KCNIP4: variants seen among roughly 807,000 people sequenced by gnomAD.
KCNIP4 encodes the protein potassium voltage-gated channel interacting protein 4.
KCNIP4 carries 12 observed loss-of-function variants against 34.0 expected under a neutral mutation model. That is an observed-to-expected ratio of 0.35 (90% CI 0.23 to 0.57). The LOEUF is 0.57. Ranked by LOEUF, KCNIP4 falls within the 20% of genes least tolerant of loss-of-function variation. The pLI is 0.83. For synonymous variants in KCNIP4, 124 were observed against 102.2 expected (o/e 1.21, Z -1.29); for missense variants, 238 against 311.7 (o/e 0.76, Z 1.78).
chr4:21,257,830 T>C (rs1208553014), intron 1 of KCNIP4, among the ~76,000 whole-genome samples: 1 of 151,968 alleles, frequency 6.6e-6, no homozygotes, highest in Non-Finnish European at 1.5e-5. Flanking sequence ...GACCTGTTCA[T>C]GACTCTGATG....
intron 1 of KCNIP4, among the ~76,000 whole-genome samples, chr4:21,053,458 C>G (rs1181653437): frequency 6.6e-6 from 1 of 152,154 alleles, no homozygotes; most frequent in Non-Finnish European, 1.5e-5. Flanking sequence ...AGGTCAGGAA[C>G]AAGGAAGGAT....
At chr4:21,876,425 T>C (rs900716912) in intron 1 of KCNIP4, among the ~76,000 whole-genome samples, 1 of 152,144 alleles carries the variant, frequency 6.6e-6, no homozygotes, top group African/African-American at 2.4e-5. Flanking sequence ...TTAAATTCTA[T>C]TGGTGGGTCC....
At chr4:21,216,153 G>A (rs373611453) in intron 1 of KCNIP4, among the ~76,000 whole-genome samples, 18 of 152,170 alleles carry the variant, frequency 1.2e-4, no homozygotes, top group African/African-American at 3.6e-4. Context: ...GCGTTGGTGC[G>A]GGTTTTTACA....
intron 1 of KCNIP4, among the ~76,000 whole-genome samples, chr4:21,322,152 A>AGAAG (rs200900508): frequency 0.32 from 43,156 of 136,460 alleles, 7,206 homozygotes; most frequent in Middle Eastern, 0.38. Context: ...AGGGAGGGAC[A>AGAAG]GAAGGAAGGA....
At chr4:21,643,870 T>TAGATA (rs1553915310) in intron 1 of KCNIP4, among the ~76,000 whole-genome samples, 2,095 of 107,750 alleles carry the variant, frequency 0.019, 16 homozygotes, top group Non-Finnish European at 0.026. Flanking sequence ...ATGATGATGA[T>TAGATA]GATAGATAGA....
intron 1 of KCNIP4, among the ~76,000 whole-genome samples, chr4:21,595,499 A>G (rs572202305): frequency 6.6e-6 from 1 of 152,242 alleles, no homozygotes; most frequent in East Asian, 1.9e-4. Context: ...TCCTTTGGGT[A>G]TACACCCAGT....
At chr4:21,659,593 G>A (rs1214736624) in intron 1 of KCNIP4, among the ~76,000 whole-genome samples, 1 of 151,890 alleles carries the variant, frequency 6.6e-6, no homozygotes, top group Non-Finnish European at 1.5e-5. Context: ...CTAGAGATTT[G>A]GATAATAACT....
At chr4:21,932,780 A>G (rs1210968628) in intron 1 of KCNIP4, among the ~76,000 whole-genome samples, 1 of 152,098 alleles carries the variant, frequency 6.6e-6, no homozygotes, top group Non-Finnish European at 1.5e-5. Flanking sequence ...ATAAAATATT[A>G]CTACTGCCAT....
At chr4:21,647,832 G>GC (rs1747136862) in intron 1 of KCNIP4, among the ~76,000 whole-genome samples, 1 of 139,306 alleles carries the variant, frequency 7.2e-6, no homozygotes, top group South Asian at 2.3e-4. Context: ...CCTCAGGCCT[G>GC]CCCCTTGGAA....
At chr4:20,738,129 CA>C (rs200429048) in intron 5 of KCNIP4, among the ~76,000 whole-genome samples, 1,177 of 115,344 alleles carry the variant, frequency 0.01, 14 homozygotes, top group Middle Eastern at 0.033. Flanking sequence ...GACTCTGTCT[CA>C]AAAAAAAAAA....
At chr4:21,241,087 G>A (rs1759779561) in intron 1 of KCNIP4, among the ~76,000 whole-genome samples, 1 of 152,040 alleles carries the variant, frequency 6.6e-6, no homozygotes, top group Non-Finnish European at 1.5e-5. Flanking sequence ...ATGTTTTGTT[G>A]CTAAAGAATA....
At position 20,728,636 on chromosome 4, in the gene KCNIP4, T is replaced by TTTTTTC. The variant is rs1331570827; in HGVS notation, c.*1440_*1445dup. The TTTTTTC allele has an allele frequency of 1.3e-5, 2 of 152,606 alleles. No homozygotes were observed. The highest frequency in any genetic ancestry group is 2.9e-5 in the Non-Finnish European group (2 of 68,014). The allele number at this position is 152,606 out of a possible 1,614,324, so 9.5% of individuals were successfully genotyped here. On this transcript the variant is annotated 3_prime_UTR_variant, in exon 9 of 9. Coordinates refer to ENST00000382152, the MANE Select transcript of KCNIP4 (RefSeq NM_025221.6). ...TTATAAACATTTTATTTTGCTTTTATTTTTTCTTTTTGAAATACAAAATGT... is the reference window on the plus strand; with the variant it reads ...TTATAAACATTTTATTTTGCTTTTATTTTTTCTTTTTCTTTTTGAAATACAAAATGT...
chr4:21,144,788 T>A (rs1752231047), intron 1 of KCNIP4, among the ~76,000 whole-genome samples: 1 of 152,210 alleles, frequency 6.6e-6, no homozygotes, highest in Non-Finnish European at 1.5e-5. Flanking sequence ...TTCCTTTTCT[T>A]TCTATATCCA....
intron 1 of KCNIP4, among the ~76,000 whole-genome samples, chr4:21,062,021 A>G (rs1743970351): frequency 6.6e-6 from 1 of 152,202 alleles, no homozygotes; most frequent in African/African-American, 2.4e-5. Flanking sequence ...AGCCTCTACA[A>G]TTATGAGAAA....
chr4:21,699,570 G>C (rs776844908), intron 1 of KCNIP4, among the ~76,000 whole-genome samples: 5 of 152,140 alleles, frequency 3.3e-5, no homozygotes, highest in Non-Finnish European at 5.9e-5. Flanking sequence ...GGAACTGACC[G>C]TGAGATGTTT....
chr4:20,814,812 G>C (rs1228931039), intron 3 of KCNIP4, among the ~76,000 whole-genome samples: 1 of 152,126 alleles, frequency 6.6e-6, no homozygotes, highest in African/African-American at 2.4e-5. Context: ...GGACGACCTG[G>C]AGAAATTATT....
At chr4:20,763,250 T>G (rs1036739417) in intron 3 of KCNIP4, among the ~76,000 whole-genome samples, 5 of 152,194 alleles carry the variant, frequency 3.3e-5, no homozygotes, top group African/African-American at 1.2e-4. Flanking sequence ...AAGTTTTGGA[T>G]TTTACAGTAT....
intron 1 of KCNIP4, among the ~76,000 whole-genome samples, chr4:21,470,977 G>C (rs1227104005): frequency 1.3e-5 from 2 of 152,158 alleles, no homozygotes; most frequent in Non-Finnish European, 2.9e-5. Flanking sequence ...TGGATCAGCA[G>C]CATCAGCATC....
intron 1 of KCNIP4, among the ~76,000 whole-genome samples, chr4:21,349,366 A>G (rs1337655549): frequency 6.6e-6 from 1 of 152,188 alleles, no homozygotes; most frequent in Non-Finnish European, 1.5e-5. Flanking sequence ...CTTTGACTGT[A>G]GGTGAAAGTA....
Sources: allele counts gnomAD v4.1 joint callset (sites outside exome capture counted in the v4.1 genomes callset), GRCh38; gene constraint gnomAD v4.1.1; transcripts MANE v1.5; gene names NCBI Gene and HGNC (gene_info 2026-07-23, HGNC 2026-07-21).